Variants in IDS observed in about 807,000 individuals in gnomAD.
IDS encodes the protein iduronate 2-sulfatase, also known as alpha-L-iduronate sulfate sulfatase.
A neutral mutation model predicts 33.5 loss-of-function variants in IDS; 1 was observed. That is an observed-to-expected ratio of 0.03 (90% CI 0.01 to 0.14). The LOEUF is 0.14. IDS is among the 10% of genes least tolerant of loss of function. IDS has a pLI of 1.00. For synonymous variants in IDS, 191 were observed against 184.4 expected, an observed-to-expected ratio of 1.04 and a Z score of -0.29; for missense variants, 328 against 448.0, an observed-to-expected ratio of 0.73 and a Z score of 2.42.
At position 149,496,409 on chromosome X, in the gene IDS, T is replaced by C; in HGVS notation, c.816A>G (p.Gln272=). The C allele has an allele frequency of 8.3e-7, 1 of 1,210,720 alleles. No individual in the cohort carries two copies. The part of the protein sequence containing the change: ...VAYNPWMDIR[Q]REDVQALNIS... ...TGTTTAAGGCTTGGACGTCTTCCCG[T>C]TGCCTGATGTCCATCCAGGGGTTGT... is the stretch of plus-strand genomic sequence containing the variant. The change falls in exon 6 of 9, where the codon CAA becomes CAG. Residue 272 remains glutamine (Q), a synonymous_variant. Coordinates refer to ENST00000340855, the MANE Select transcript of IDS (RefSeq NM_000202.8).
At position 149,503,545 on chromosome X, in the gene IDS, C is replaced by A. The variant is rs2089498145; in HGVS notation, c.241-56G>T. 2.3e-5 allele frequency: 24 copies of A among 1,056,755 alleles called. No homozygotes were observed. In the Admixed American group the frequency reaches 6.2e-4, roughly 27 times the overall value. The allele number at this position is 1,056,755 out of a possible 1,213,427, so 87.1% of individuals were successfully genotyped here. On this transcript the variant is annotated intron_variant, in intron 2 of 8. Coordinates refer to ENST00000340855, the MANE Select transcript of IDS (RefSeq NM_000202.8). Reference sequence around the variant, plus strand: ...CGCCACAGCAAAACATGTCTGCCATCTCTTAGGTAACCAAGCAACCGCCCT... The same window carrying A: ...CGCCACAGCAAAACATGTCTGCCATATCTTAGGTAACCAAGCAACCGCCCT...
rs1190757736 is a variant in IDS, at chrX:149,505,306, T to C, written c.-169A>G. 3.3e-6 allele frequency: 1 copy of C among 304,302 alleles called. No homozygotes were observed. The highest frequency in any genetic ancestry group is 5.7e-6 in the Non-Finnish European group (1 of 174,533). The allele number at this position is 304,302 out of a possible 1,213,427, so 25.1% of individuals were successfully genotyped here. A position where few individuals can be genotyped will look rare whatever the true frequency, so the allele number is the denominator to read the frequency against. ...GCCCGGGCGCTGGCCGCAGCGCGAG[T>C]GCGTCCGTGCGACTCTTCCCTGCGT... On this transcript the variant is annotated 5_prime_UTR_variant, in exon 1 of 9. Transcript: ENST00000340855.
chrX:149,487,592 G>A (rs1188222634), intron 7 of IDS, among the ~76,000 whole-genome samples: 11 of 111,910 alleles, frequency 9.8e-5, no homozygotes, highest in East Asian at 8.5e-4. Context: ...CAACACACTC[G>A]GCAAATTCAA....
At chrX:149,494,119 C>T (rs2089416440) in intron 6 of IDS, among the ~76,000 whole-genome samples, 1 of 111,557 alleles carries the variant, frequency 9.0e-6, no homozygotes, top group South Asian at 3.7e-4. Context: ...TTCGTGGGGG[C>T]ATGGATTTTC....
At chrX:149,498,646 G>C (rs1191569045) in intron 4 of IDS, among the ~76,000 whole-genome samples, 1 of 112,889 alleles carries the variant, frequency 8.9e-6, no homozygotes, top group African/African-American at 3.2e-5. Flanking sequence ...GATTTGGATA[G>C]ACATTTCTCC....
At chrX:149,484,322 T>C (rs1297465955) in intron 8 of IDS, among the ~76,000 whole-genome samples, 1 of 112,635 alleles carries the variant, frequency 8.9e-6, no homozygotes, top group Non-Finnish European at 1.9e-5. Context: ...AACACTTGTT[T>C]CATTCTTTTT....
intron 6 of IDS, chrX:149,495,484 T>TTTA (rs1484300908): frequency 1.8e-5 from 2 of 109,322 alleles, no homozygotes; most frequent in African/African-American, 3.4e-5. Flanking sequence ...TTTTTTTTTT[T>TTTA]AAGAAATGTC....
At chrX:149,493,245 A>T in intron 6 of IDS, among the ~76,000 whole-genome samples, 1 of 112,463 alleles carries the variant, frequency 8.9e-6, no homozygotes, top group Middle Eastern at 4.6e-3. Flanking sequence ...AGTGGCAGAC[A>T]CAGAAAGGAT....
chrX:149,488,112 T>C (rs1199347017), intron 7 of IDS, among the ~76,000 whole-genome samples: 1 of 98,483 alleles, frequency 1.0e-5, no homozygotes, highest in Non-Finnish European at 2.0e-5. Flanking sequence ...AGATGCCCAA[T>C]GATTCTGGTG....
intron 4 of IDS, among the ~76,000 whole-genome samples, chrX:149,499,582 A>G (rs1215216113): frequency 9.0e-6 from 1 of 111,307 alleles, no homozygotes; most frequent in African/African-American, 3.3e-5. Flanking sequence ...GGTAATGGGT[A>G]CAGGGTTTCT....
chrX:149,496,631 T>A, intron 5 of IDS, 115 bp from the exon 6 acceptor site: 1 of 789,040 alleles, frequency 1.3e-6, no homozygotes, highest in East Asian at 3.2e-5. Flanking sequence ...ATTTGAGTGG[T>A]GGCTCACTAG....
At chrX:149,495,347 C>G (rs2124038531) in intron 6 of IDS, 1 of 113,046 alleles carries the variant, frequency 8.8e-6, no homozygotes, top group African/African-American at 3.3e-5. Flanking sequence ...AACTCAGGGG[C>G]CAAGTAAGTT....
Position 149,482,903 on chromosome X carries a change from T to C in IDS, c.1496A>G (p.Tyr499Cys), listed in dbSNP as rs370074198. Reference protein sequence around the residue: ...GYSIRTIDYRYTVWVGFNPDE... With the variant: ...GYSIRTIDYRCTVWVGFNPDE... ...AGGATTGAAGCCAACCCACACAGTATACCTATAGTCTATGGTGCGTATGGA... is the reference window on the plus strand; with the variant it reads ...AGGATTGAAGCCAACCCACACAGTACACCTATAGTCTATGGTGCGTATGGA... The change falls in exon 9 of 9, where the codon TAT (tyrosine) becomes TGT (cysteine). Residue 499 changes from tyrosine to cysteine, a missense_variant. Physicochemically the swap from Tyr to Cys is radical, Grantham distance 194 (BLOSUM62 -2). Coordinates refer to ENST00000340855, the MANE Select transcript of IDS (RefSeq NM_000202.8). 8.3e-7 allele frequency: 1 copy of C among 1,211,662 alleles called. No individual in the cohort carries two copies. Among genetic ancestry groups the C allele is most frequent in the Non-Finnish European group, 1.1e-6 (1 of 895,251 alleles).
chrX:149,488,420 G>A (rs1337617079), intron 7 of IDS, among the ~76,000 whole-genome samples: 62 of 110,302 alleles, frequency 5.6e-4, no homozygotes, highest in Non-Finnish European at 1.1e-3. Flanking sequence ...GTCAAGGATC[G>A]AGAAGCCTGC....
chrX:149,501,121 G>A, intron 3 of IDS, 84 bp from the exon 4 acceptor site: 1 of 625,886 alleles, frequency 1.6e-6, no homozygotes, highest in African/African-American at 2.2e-5. Flanking sequence ...AAACAAATGG[G>A]CAAGTGGAAC....
rs782076141 is a variant in IDS, at chrX:149,505,140, C to A, written c.-3G>T. 1.4e-5 allele frequency: 17 copies of A among 1,181,119 alleles called. No individual in the cohort carries two copies. The highest frequency in any genetic ancestry group is 1.8e-5 in the Non-Finnish European group (16 of 870,834). ...CGGCCGGTCCGGGGTGGCGGCATTT[C>A]GGCTTCGACGCGGCCGCTTCAGAGC... On this transcript the variant is annotated 5_prime_UTR_variant, in exon 1 of 9. Transcript: ENST00000340855.
At position 149,480,566 on chromosome X, in the gene IDS, C is replaced by T. The variant is rs1412358177; in HGVS notation, c.*2180G>A. On this transcript the variant is annotated 3_prime_UTR_variant, in exon 9 of 9. Transcript: ENST00000340855. ...CACGATCTTCATTCACTGAAACCTC[C>T]GTCTCCTGGTTCAAGCGATTCTTGT... 5 of 288,725 alleles carry T rather than the reference C, an allele frequency of 1.7e-5. No individual in the cohort carries two copies. The highest frequency in any genetic ancestry group is 2.8e-5 in the African/African-American group (1 of 36,363). The allele number at this position is 288,725 out of a possible 1,213,427, so 23.8% of individuals were successfully genotyped here.
In IDS at chrX:149,487,198, G is replaced by A. The variant is rs116539145; in HGVS notation, c.1007-100C>T. 1.0e-3 allele frequency: 1,232 copies of A among 1,204,939 alleles called. 11 individuals carry two copies. In the African/African-American group the frequency reaches 0.019, roughly 19 times the overall value. ...TTCATTTCCTGTTGTAAAAACCAGA[G>A]GAAGTAGAAACTCATCACCTAGAAG... is the stretch of plus-strand genomic sequence containing the variant. On this transcript the variant is annotated intron_variant, in intron 7 of 8. Transcript: ENST00000340855.
At chrX:149,495,343 G>A (rs1557339173) in intron 6 of IDS, 1 of 113,235 alleles carries the variant, frequency 8.8e-6, no homozygotes, top group Non-Finnish European at 1.9e-5. Flanking sequence ...TGCAAACTCA[G>A]GGGCCAAGTA....
Sources: allele counts gnomAD v4.1 joint callset (sites outside exome capture counted in the v4.1 genomes callset), GRCh38; gene constraint gnomAD v4.1.1; transcripts MANE v1.5; gene names NCBI Gene and HGNC (gene_info 2026-07-23, HGNC 2026-07-21).